UIMC1: variants seen among roughly 807,000 people sequenced by gnomAD.
UIMC1 encodes the protein ubiquitin interaction motif containing 1, also known as BRCA1-A complex subunit RAP80.
UIMC1 carries 42 observed loss-of-function variants against 84.9 expected under a neutral mutation model. The ratio of observed to expected loss-of-function variants is 0.49; its 90% CI spans 0.39 to 0.64. The LOEUF (loss-of-function observed/expected upper bound fraction) is 0.64. Among genes scored for constraint, UIMC1 ranks in the 30% least tolerant of loss-of-function variants. UIMC1 has a pLI of 0.00. For missense variants in UIMC1, 825 were observed against 847.6 expected (o/e 0.97, Z 0.33); for synonymous variants, 281 against 293.0 (o/e 0.96, Z 0.42).
rs369224392 is a variant in UIMC1 at position 176,969,585 on chromosome 5, G to A, written c.463+16C>T. On this transcript the variant is annotated intron_variant, in intron 5 of 14. Transcript: ENST00000511320. ...TATACTTGATGAATGGAAGGAGTCA[G>A]AACAGGGAGACATGCCTTCAGTGAG... The A allele has an allele frequency of 9.9e-6, 16 of 1,611,068 alleles. No individual in the cohort carries two copies. The highest frequency in any genetic ancestry group is 1.7e-5 in the Admixed American group (1 of 59,988).
intron 1 of UIMC1, among the ~76,000 whole-genome samples, chr5:176,992,529 A>G (rs1270106317): frequency 1.3e-5 from 2 of 151,970 alleles, no homozygotes; most frequent in African/African-American, 2.4e-5. Context: ...TTTTAAATTG[A>G]TAAATTTGAC....
intron 3 of UIMC1, among the ~76,000 whole-genome samples, chr5:176,971,707 G>A (rs1769254906): frequency 6.6e-6 from 1 of 152,146 alleles, no homozygotes; most frequent in East Asian, 1.9e-4. Flanking sequence ...TCAGGAATTC[G>A]AGACCATCAC....
At chr5:176,999,894 T>C (rs903530578) in intron 1 of UIMC1, among the ~76,000 whole-genome samples, 5 of 152,194 alleles carry the variant, frequency 3.3e-5, no homozygotes, top group African/African-American at 1.2e-4. Flanking sequence ...TATACTGATT[T>C]CCTTTCTTTT....
At chr5:176,964,331 T>C (rs1232675211) in intron 6 of UIMC1, among the ~76,000 whole-genome samples, 1 of 152,224 alleles carries the variant, frequency 6.6e-6, no homozygotes, top group Non-Finnish European at 1.5e-5. Context: ...AAGGCTTCAG[T>C]GAACTAGATA....
Position 176,911,175 on chromosome 5 carries a change from G to C in UIMC1, c.1676+136C>G. 4 of 167,554 alleles carry C rather than the reference G, an allele frequency of 2.4e-5. 2 individuals carry two copies. The highest frequency in any genetic ancestry group is 2.1e-5 in the Non-Finnish European group (2 of 93,148). 10.4% of individuals were successfully genotyped at this position (167,554 alleles called of 1,614,324 possible). A position where few individuals can be genotyped will look rare whatever the true frequency, so the allele number is the denominator to read the frequency against. On this transcript the variant is annotated intron_variant, in intron 11 of 14. Transcript: ENST00000511320. ...GAAAAGAAAAGAAAAGAAAAGAAAAGAAAATTCAGGCATCCAAGCAATGAA... is the reference window on the plus strand; with the variant it reads ...GAAAAGAAAAGAAAAGAAAAGAAAACAAAATTCAGGCATCCAAGCAATGAA...
At chr5:176,960,173 G>A (rs1053235125) in intron 6 of UIMC1, among the ~76,000 whole-genome samples, 1 of 152,162 alleles carries the variant, frequency 6.6e-6, no homozygotes, top group African/African-American at 2.4e-5. Flanking sequence ...AACTTCGAGA[G>A]GTTAAATAAT....
intron 10 of UIMC1, among the ~76,000 whole-genome samples, chr5:176,940,878 T>C (rs1418801766): frequency 6.6e-6 from 1 of 152,172 alleles, no homozygotes; most frequent in African/African-American, 2.4e-5. Context: ...CTGAACAAGG[T>C]AATTATTATT....
chr5:176,978,168 G>A (rs973516502), intron 2 of UIMC1, among the ~76,000 whole-genome samples: 4 of 151,820 alleles, frequency 2.6e-5, no homozygotes, highest in Non-Finnish European at 5.9e-5. Flanking sequence ...TCAGGAGATC[G>A]AGACCATCCT....
chr5:176,990,568 T>C (rs1188972072), intron 1 of UIMC1, among the ~76,000 whole-genome samples: 2 of 152,192 alleles, frequency 1.3e-5, no homozygotes, highest in South Asian at 4.1e-4. Context: ...TTATATTAAT[T>C]CGCAAGAAGT....
At chr5:177,006,836 C>T (rs1354317310), upstream of UIMC1, 4 of 152,200 alleles carry the variant, frequency 2.6e-5, no homozygotes, top group East Asian at 5.8e-4. Context: ...CCATCCGGGA[C>T]GTACCAACTG....
chr5:177,000,249 C>G (rs749679402), intron 1 of UIMC1, among the ~76,000 whole-genome samples: 1 of 152,172 alleles, frequency 6.6e-6, no homozygotes, highest in African/African-American at 2.4e-5. Context: ...CCACCGCGCC[C>G]GGCATACTTT....
chr5:176,990,017 A>G (rs1772583557), intron 1 of UIMC1, among the ~76,000 whole-genome samples: 1 of 152,018 alleles, frequency 6.6e-6, no homozygotes, highest in Non-Finnish European at 1.5e-5. Context: ...CGTCTCTACT[A>G]AAAATACAAA....
upstream of UIMC1, among the ~76,000 whole-genome samples, chr5:177,009,002 A>C (rs1775487405): frequency 6.6e-6 from 1 of 151,436 alleles, no homozygotes; most frequent in South Asian, 2.1e-4. The surrounding 1 kb of genome is among the most constrained non-coding windows in gnomAD (Gnocchi z 4.3). Flanking sequence ...AACTATGTTT[A>C]TGGTTTTTTG....
At chr5:177,015,600 T>C (rs1056306281) in intron 1 of UIMC1, among the ~76,000 whole-genome samples, 3 of 152,206 alleles carry the variant, frequency 2.0e-5, no homozygotes, top group Non-Finnish European at 2.9e-5. Flanking sequence ...TCATTTTCTA[T>C]GTGGACTATA....
chr5:177,006,109 G>A (rs1186924224), intron 1 of UIMC1, among the ~76,000 whole-genome samples: 1 of 152,192 alleles, frequency 6.6e-6, no homozygotes, highest in Non-Finnish European at 1.5e-5. Context: ...GAGGCGTGAG[G>A]CGGCGCGGAC....
intron 1 of UIMC1, among the ~76,000 whole-genome samples, chr5:177,013,048 T>C (rs1287440937): frequency 4.0e-5 from 6 of 151,146 alleles, no homozygotes; most frequent in African/African-American, 1.2e-4. Flanking sequence ...ACTATTGCAC[T>C]CTAGCCTGGG....
At chr5:176,992,478 G>C (rs1773019590) in intron 1 of UIMC1, among the ~76,000 whole-genome samples, 1 of 150,558 alleles carries the variant, frequency 6.6e-6, no homozygotes, top group Admixed American at 6.6e-5. Flanking sequence ...AAAAAAAAAG[G>C]TGACTAAGTA....
chr5:176,951,554 T>A lies in UIMC1; in HGVS notation c.1363A>T (p.Thr455Ser), dbSNP rs1177824183. The change falls in exon 9 of 15, where the codon ACT (threonine) becomes TCT (serine). Residue 455 changes from threonine to serine, a missense_variant. Coordinates refer to ENST00000511320, the MANE Select transcript of UIMC1 (RefSeq NM_001199298.2). The part of the protein sequence containing the change: ...CPETQLSSSE[T>S]FDLEREVSPG... Reference sequence around the variant, plus strand: ...GAGACTTCTCTTTCAAGGTCAAAAGTTTCAGAGGAACTTAGCTGGGTCTCT... The same window carrying A: ...GAGACTTCTCTTTCAAGGTCAAAAGATTCAGAGGAACTTAGCTGGGTCTCT... 6.3e-7 allele frequency: 1 copy of A among 1,592,752 alleles called. No homozygotes were observed. Among genetic ancestry groups the A allele is most frequent in the Non-Finnish European group, 8.5e-7 (1 of 1,171,364 alleles).
At chr5:176,975,893 G>T (rs1364396708) in intron 2 of UIMC1, among the ~76,000 whole-genome samples, 1 of 152,022 alleles carries the variant, frequency 6.6e-6, no homozygotes, top group Non-Finnish European at 1.5e-5. Flanking sequence ...GAGGGTAAAT[G>T]AAAAATCCTA....
Sources: allele counts gnomAD v4.1 joint callset (sites outside exome capture counted in the v4.1 genomes callset), GRCh38; gene constraint gnomAD v4.1.1; non-coding constraint Gnocchi (gnomAD v3.1); transcripts MANE v1.5; gene names NCBI Gene and HGNC (gene_info 2026-07-23, HGNC 2026-07-21).